The following LOC400499 variants were observed in gnomAD, a reference collection of about 807,000 sequenced individuals.
chr16:11,412,684 T>C, the LOC400499 span, among the ~76,000 whole-genome samples: 1 of 152,214 alleles, frequency 6.6e-6, no homozygotes, highest in Middle Eastern at 3.2e-3. Flanking sequence ...TGTGTGACCT[T>C]GGAAAAGTTA....
chr16:11,399,996 G>T, the LOC400499 span, among the ~76,000 whole-genome samples: 435 of 151,594 alleles, frequency 2.9e-3, 2 homozygotes, highest in African/African-American at 9.9e-3. Flanking sequence ...AGACTGCCCT[G>T]CCTACCCCCA....
At chr16:11,443,330 C>CAAAAAA in the LOC400499 span, 39 of 260,892 alleles carry the variant, frequency 1.5e-4, no homozygotes, top group East Asian at 3.0e-4. Flanking sequence ...TCCTCAGTCT[C>CAAAAAA]AAAAAAAAAA....
chr16:11,486,921 G>A, the LOC400499 span, among the ~76,000 whole-genome samples: 42 of 123,364 alleles, frequency 3.4e-4, no homozygotes, highest in African/African-American at 1.3e-3. Context: ...GTGGGTGGTA[G>A]GATGAATGGA....
At chr16:11,442,981 T>C in the LOC400499 span, among the ~76,000 whole-genome samples, 2 of 152,082 alleles carry the variant, frequency 1.3e-5, no homozygotes, top group Admixed American at 1.3e-4. Context: ...GTCTCAATGC[T>C]CAACAGCTGC....
At chr16:11,450,593 G>A in the LOC400499 span, 4 of 1,534,934 alleles carry the variant, frequency 2.6e-6, 1 homozygote, top group South Asian at 4.8e-5. Context: ...TATATCGGGG[G>A]CCGAGCACTG....
the LOC400499 span, chr16:11,424,211 G>T: frequency 7.5e-6 from 3 of 399,222 alleles, no homozygotes; most frequent in African/African-American, 6.2e-5. Flanking sequence ...GGAGGCCCGA[G>T]GACTCGGGGG....
At chr16:11,393,950 T>C in the LOC400499 span, among the ~76,000 whole-genome samples, 3 of 152,192 alleles carry the variant, frequency 2.0e-5, no homozygotes, top group South Asian at 6.2e-4. Flanking sequence ...TCATGACAAA[T>C]ACTTTTTTTA....
chr16:11,500,722 C>T, the LOC400499 span: 4 of 397,940 alleles, frequency 1.0e-5, no homozygotes, highest in Non-Finnish European at 1.8e-5. Context: ...CACAAAAGAA[C>T]TGATCACCTC....
the LOC400499 span, among the ~76,000 whole-genome samples, chr16:11,388,261 G>C: frequency 6.6e-6 from 1 of 152,114 alleles, no homozygotes; most frequent in African/African-American, 2.4e-5. Flanking sequence ...AACCAGGCAG[G>C]TCATTCTTCA....
At chr16:11,507,597 C>T in the LOC400499 span, among the ~76,000 whole-genome samples, 10,154 of 152,178 alleles carry the variant, frequency 0.067, 894 homozygotes, top group African/African-American at 0.2. Flanking sequence ...AGTGAGGCCC[C>T]GGAGCTTATT....
chr16:11,413,853 G>C, the LOC400499 span, among the ~76,000 whole-genome samples: 1 of 152,286 alleles, frequency 6.6e-6, no homozygotes, highest in Admixed American at 6.5e-5. Context: ...TGCAGATGAG[G>C]AGATGAGGGC....
At chr16:11,392,830 A>C in the LOC400499 span, 2 of 977,482 alleles carry the variant, frequency 2.0e-6, no homozygotes, top group African/African-American at 1.8e-5. Context: ...ATCACCCCCT[A>C]CCCCACCAGG....
At chr16:11,433,347 A>G in the LOC400499 span, among the ~76,000 whole-genome samples, 1 of 152,206 alleles carries the variant, frequency 6.6e-6, no homozygotes, top group African/African-American at 2.4e-5. Flanking sequence ...ATCTAGGACC[A>G]TGTCCACAGC....
At chr16:11,446,639 G>A in the LOC400499 span, 1 of 1,536,022 alleles carries the variant, frequency 6.5e-7, no homozygotes, top group East Asian at 2.4e-5. Flanking sequence ...GCACAGACCT[G>A]GGAGGGACAA....
chr16:11,420,430 T>G, the LOC400499 span, among the ~76,000 whole-genome samples: 4 of 105,034 alleles, frequency 3.8e-5, no homozygotes, highest in African/African-American at 1.5e-4. Flanking sequence ...AACATCACAC[T>G]CGGGGGACTG....
chr16:11,389,218 G>A, the LOC400499 span, among the ~76,000 whole-genome samples: 1 of 152,152 alleles, frequency 6.6e-6, no homozygotes, highest in African/African-American at 2.4e-5. Flanking sequence ...AGCCAGTCAT[G>A]GCCACACCGT....
chr16:11,503,200 C>T, the LOC400499 span, among the ~76,000 whole-genome samples: 1 of 152,022 alleles, frequency 6.6e-6, no homozygotes, highest in East Asian at 1.9e-4. Context: ...CAGGTGTGAG[C>T]CATCGCGCCC....
the LOC400499 span, among the ~76,000 whole-genome samples, chr16:11,389,323 C>T: frequency 6.6e-6 from 1 of 152,172 alleles, no homozygotes; most frequent in Non-Finnish European, 1.5e-5. Flanking sequence ...GACCAGTGGG[C>T]CCCAGCCTGT....
chr16:11,474,888 C>G, the LOC400499 span, among the ~76,000 whole-genome samples: 2 of 152,002 alleles, frequency 1.3e-5, no homozygotes, highest in African/African-American at 4.8e-5. Flanking sequence ...AGTACAATAT[C>G]GGGATCCCAA....
Sources: gnomAD v4.1 joint callset for allele counts (sites outside exome capture counted in the v4.1 genomes callset) on GRCh38, gnomAD v4.1.1 for gene constraint, MANE v1.5 for transcripts.